The following CDYL variants were observed in gnomAD, a reference collection of about 807,000 sequenced individuals.
The protein encoded by CDYL is chromodomain Y like, also known as chromodomain Y-like protein.
CDYL carries 8 observed loss-of-function variants against 47.3 expected under a neutral mutation model. That is an observed-to-expected ratio of 0.17 (90% CI 0.10 to 0.31). CDYL has a LOEUF of 0.31. Ranked by LOEUF, CDYL falls within the 10% of genes least tolerant of loss-of-function variation. The pLI, the probability that CDYL is intolerant of heterozygous loss-of-function variation, is 1.00. For synonymous variants in CDYL, 266 were observed against 265.0 expected, an observed-to-expected ratio of 1.00 and a Z score of -0.04; for missense variants, 471 against 701.4, an observed-to-expected ratio of 0.67 and a Z score of 3.71.
At chr6:4,834,825 C>G (rs1257027180) in intron 1 of CDYL, among the ~76,000 whole-genome samples, 1 of 152,020 alleles carries the variant, frequency 6.6e-6, no homozygotes, top group African/African-American at 2.4e-5. Flanking sequence ...TCATTCATTT[C>G]ATCTTCCATC....
intron 1 of CDYL, among the ~76,000 whole-genome samples, chr6:4,806,690 G>A (rs1332313931): frequency 1.3e-5 from 2 of 152,182 alleles, no homozygotes; most frequent in African/African-American, 4.8e-5. Context: ...CCTTCCTTCT[G>A]CGACGGTTCC....
chr6:4,716,336 C>T lies in CDYL; in HGVS notation c.103+455C>T, dbSNP rs149844073. 2.4e-3 allele frequency among the ~76,000 whole-genome samples: 362 copies of T among 152,012 alleles called. 1 individual carries two copies. The highest frequency in any genetic ancestry group is 8.2e-3 in the African/African-American group (340 of 41,496). ...TTCCAGTCATAATACTCTAGCTGTT[C>T]GGACAACGCCTTCTCTCTCGCAAGC... On this transcript the variant is annotated intron_variant, in intron 2 of 8. Transcript: ENST00000328908.
intron 1 of CDYL, among the ~76,000 whole-genome samples, chr6:4,787,098 A>G (rs1236136881): frequency 6.6e-6 from 1 of 152,246 alleles, no homozygotes; most frequent in Non-Finnish European, 1.5e-5. Flanking sequence ...CACGTGAGGT[A>G]GAGTGTAGCC....
chr6:4,728,366 G>A (rs772619546), intron 2 of CDYL, among the ~76,000 whole-genome samples: 4 of 152,188 alleles, frequency 2.6e-5, no homozygotes, highest in Non-Finnish European at 4.4e-5. Context: ...CCCAGTGTGG[G>A]CTTCCCTGCT....
intron 4 of CDYL, among the ~76,000 whole-genome samples, chr6:4,938,778 T>C (rs370025295): frequency 6.6e-5 from 10 of 152,234 alleles, no homozygotes; most frequent in South Asian, 2.1e-4. Flanking sequence ...ACAATATGAC[T>C]TTGAGATATT....
chr6:4,728,203 C>T (rs1757547850), intron 2 of CDYL, among the ~76,000 whole-genome samples: 1 of 152,218 alleles, frequency 6.6e-6, no homozygotes, highest in South Asian at 2.1e-4. Flanking sequence ...TCACACCCAG[C>T]AAAATTAAGC....
intron 2 of CDYL, among the ~76,000 whole-genome samples, chr6:4,724,260 C>G (rs557727862): frequency 1.3e-5 from 2 of 151,942 alleles, no homozygotes; most frequent in South Asian, 2.1e-4. Flanking sequence ...TATGTTGGCC[C>G]GGCTGGTCTC....
chr6:4,929,606 C>G (rs1355924472), intron 2 of CDYL, among the ~76,000 whole-genome samples: 1 of 151,882 alleles, frequency 6.6e-6, no homozygotes. Flanking sequence ...CACTCAGGTT[C>G]ATCGTTTTTT....
At chr6:4,903,495 G>C (rs1294075505) in intron 2 of CDYL, among the ~76,000 whole-genome samples, 2 of 152,138 alleles carry the variant, frequency 1.3e-5, no homozygotes, top group African/African-American at 4.8e-5. Context: ...TGTTTTATCT[G>C]AGCAAAATCT....
rs537886607 is a variant in CDYL at position 4,804,422 on chromosome 6, T to C, written c.24+27615T>C. On this transcript the variant is annotated intron_variant, in intron 1 of 6. Transcript: ENST00000397588. ...TGAAGAGAATGAGTCTTTGGTTAAG[T>C]GTTGAAATAGAAGTACAGTTCAGAT... Among the ~76,000 whole-genome samples the C allele has an allele frequency of 1.3e-3, 193 of 152,306 alleles. 1 individual carries two copies. The highest frequency in any genetic ancestry group is 4.3e-3 in the African/African-American group (178 of 41,558).
chr6:4,889,325 G>A (rs1214506104), intron 1 of CDYL, among the ~76,000 whole-genome samples: 3 of 151,878 alleles, frequency 2.0e-5, no homozygotes, highest in Admixed American at 6.6e-5. Context: ...CCTGGTTCAA[G>A]CAATTCTCCT....
chr6:4,930,962 G>C (rs1758017892), intron 2 of CDYL, among the ~76,000 whole-genome samples: 1 of 152,158 alleles, frequency 6.6e-6, no homozygotes, highest in African/African-American at 2.4e-5. Context: ...TGGGGTGAGG[G>C]GGGCGGTTTT....
intron 2 of CDYL, among the ~76,000 whole-genome samples, chr6:4,934,255 G>A (rs1407747917): frequency 1.3e-5 from 2 of 151,854 alleles, no homozygotes; most frequent in African/African-American, 4.8e-5. Flanking sequence ...GCTGTGGGGG[G>A]CTTTCACCTT....
chr6:4,950,637 G>A (rs948236754), intron 5 of CDYL, among the ~76,000 whole-genome samples: 1 of 152,124 alleles, frequency 6.6e-6, no homozygotes, highest in Non-Finnish European at 1.5e-5. Context: ...AACTTCTCCA[G>A]ACTCTTCAAA....
At chr6:4,897,923 G>A (rs1762333728) in intron 2 of CDYL, among the ~76,000 whole-genome samples, 2 of 151,954 alleles carry the variant, frequency 1.3e-5, no homozygotes, top group African/African-American at 4.8e-5. Flanking sequence ...CAGGCGTGGT[G>A]GCAGGTGCCT....
chr6:4,765,144 GA>G (rs1309054155), intron 3 of CDYL, among the ~76,000 whole-genome samples: 4 of 152,096 alleles, frequency 2.6e-5, no homozygotes, highest in Non-Finnish European at 5.9e-5. Flanking sequence ...CCAATGTGAC[GA>G]AACCCATCTC....
At chr6:4,926,486 C>G (rs919289689) in intron 2 of CDYL, among the ~76,000 whole-genome samples, 1 of 126,780 alleles carries the variant, frequency 7.9e-6, no homozygotes, top group African/African-American at 3.7e-5. Flanking sequence ...ACCCTTCTGC[C>G]TTGAAAACAT....
chr6:4,802,237 GA>G (rs112012887), intron 1 of CDYL, among the ~76,000 whole-genome samples: 1 of 150,006 alleles, frequency 6.7e-6, no homozygotes, highest in African/African-American at 2.5e-5. Context: ...TTAGATCATT[GA>G]AAAAAAAATC....
intron 4 of CDYL, among the ~76,000 whole-genome samples, chr6:4,942,234 A>T (rs1306860525): frequency 1.3e-5 from 2 of 152,194 alleles, no homozygotes; most frequent in African/African-American, 4.8e-5. Flanking sequence ...CTTGGGGGCT[A>T]GGCTGAGGTC....
Sources: gnomAD v4.1 joint callset for allele counts (sites outside exome capture counted in the v4.1 genomes callset) on GRCh38, gnomAD v4.1.1 for gene constraint, MANE v1.5 for transcripts, NCBI Gene and HGNC (gene_info 2026-07-23, HGNC 2026-07-21) for gene names.